NPAS1: variants seen among roughly 807,000 people sequenced by gnomAD.
NPAS1 encodes neuronal PAS domain-containing protein 1.
Under a neutral mutation model 49.2 loss-of-function variants are expected in NPAS1, and 29 were observed. The observed-to-expected ratio is 0.59, with a 90% confidence interval of 0.44 to 0.80. NPAS1 has a LOEUF of 0.80. Among genes scored for constraint, NPAS1 ranks in the 30% least tolerant of loss-of-function variants. The pLI, the probability that NPAS1 is intolerant of heterozygous loss-of-function variation, is 0.00. For synonymous variants in NPAS1, 408 were observed against 380.4 expected (o/e 1.07, Z -0.84); for missense variants, 825 against 835.5 (o/e 0.99, Z 0.15).
At chr19:47,026,136 G>A (rs376213594) in intron 3 of NPAS1, among the ~76,000 whole-genome samples, 7 of 151,532 alleles carry the variant, frequency 4.6e-5, no homozygotes, top group African/African-American at 9.7e-5. Flanking sequence ...ACAGGGTTTC[G>A]CCACGTTGGC....
rs762698994 is a variant in NPAS1 at position 47,036,004 on chromosome 19, C to G, written c.563C>G (p.Pro188Arg). ...TGSSVFDYIH[P>R]GDHSEVLEQL... ...AGCAGCGTCTTCGACTACATTCACC[C>G]TGGGGACCACTCAGAGGTGCTGGAG... Residue 188 changes from proline (P) to arginine (R), a missense_variant, in exon 6 of 12, where the codon CCT (proline) becomes CGT (arginine). Transcript: ENST00000602212. 1 of 1,580,756 alleles carries G rather than the reference C, an allele frequency of 6.3e-7. No homozygotes were observed. The highest frequency in any genetic ancestry group is 2.3e-5 in the East Asian group (1 of 44,426).
chr19:47,024,348 T>C (rs2056858951), intron 3 of NPAS1, among the ~76,000 whole-genome samples: 1 of 151,990 alleles, frequency 6.6e-6, no homozygotes, highest in African/African-American at 2.4e-5. Context: ...GGATAAGCCC[T>C]GTATACAAAA....
Position 47,032,526 on chromosome 19 carries a change from C to G in NPAS1, c.433-117C>G. ...CCGAGGACCACTGAAGCCCCCTCCC[C>G]ACCAAAACAGTCCACCTCAGGTGGA... On this transcript the variant is annotated intron_variant, in intron 4 of 11. Coordinates refer to ENST00000602212, the MANE Select transcript of NPAS1 (RefSeq NM_002517.4). 4 of 1,139,878 alleles carry G rather than the reference C, an allele frequency of 3.5e-6. No individual in the cohort carries two copies. The Admixed American group carries it at 5.4e-5, about 15-fold the overall frequency. 70.6% of individuals were successfully genotyped at this position (1,139,878 alleles called of 1,614,324 possible). A position where few individuals can be genotyped will look rare whatever the true frequency, so the allele number is the denominator to read the frequency against.
rs1568501626 is a variant in NPAS1 at position 47,027,642 on chromosome 19, GTCTGTCTGCCCCTGGTCTCCCT to G, written c.359-4632_359-4611del. 6.7e-4 allele frequency among the ~76,000 whole-genome samples: 29 copies of G among 43,392 alleles called. 7 individuals are homozygous for G. The highest frequency in any genetic ancestry group is 1.5e-3 in the East Asian group (2 of 1,342). 28.5% of individuals were successfully genotyped at this position (43,392 alleles called of 152,430 possible). A position where few individuals can be genotyped will look rare whatever the true frequency, so the allele number is the denominator to read the frequency against. On this transcript the variant is annotated intron_variant, in intron 3 of 11. Transcript: ENST00000602212. ...CCCGTCTCTCTGCCCCTGGTCTCCCGTCTGTCTGCCCCTGGTCTCCCTTCTCTCTGCCCCTGGTCTCCTGTCT... is the reference window on the plus strand; with the variant it reads ...CCCGTCTCTCTGCCCCTGGTCTCCCGTCTCTCTGCCCCTGGTCTCCTGTCT...
chr19:47,035,008 C>A (rs894754269), intron 5 of NPAS1, among the ~76,000 whole-genome samples: 2 of 151,296 alleles, frequency 1.3e-5, no homozygotes, highest in Non-Finnish European at 2.9e-5. Flanking sequence ...ATGGAGAAAC[C>A]CCGTCTGTAC....
Position 47,045,188 on chromosome 19 carries a change from C to T in NPAS1, c.1313-3C>T. On this transcript the variant is annotated splice_polypyrimidine_tract_variant and splice_region_variant and intron_variant, in intron 11 of 11. Transcript: ENST00000602212. ...ACAGGCCCTCAGCATCTTCCTCTTCCAGAGCCGGAGCCTCCGACGGAAGGG... is the reference window on the plus strand; with the variant it reads ...ACAGGCCCTCAGCATCTTCCTCTTCTAGAGCCGGAGCCTCCGACGGAAGGG... The T allele has an allele frequency of 1.2e-6, 2 of 1,612,648 alleles. No individual in the cohort carries two copies. The highest frequency in any genetic ancestry group is 1.7e-6 in the Non-Finnish European group (2 of 1,179,594).
intron 6 of NPAS1, 89 bp from the exon 7 acceptor site, chr19:47,038,947 G>T: frequency 9.0e-7 from 1 of 1,108,858 alleles, no homozygotes. Flanking sequence ...GACATCTTGT[G>T]TCTATGTCCG....
intron 11 of NPAS1, among the ~76,000 whole-genome samples, chr19:47,044,275 G>A (rs1198459083): frequency 3.9e-5 from 6 of 152,112 alleles, no homozygotes; most frequent in Admixed American, 1.3e-4. Flanking sequence ...GTTTTGCCAC[G>A]TTGGCCAGGC....
intron 1 of NPAS1, among the ~76,000 whole-genome samples, chr19:47,020,385 G>C (rs1352960990): frequency 6.6e-6 from 1 of 151,862 alleles, no homozygotes; most frequent in Non-Finnish European, 1.5e-5. Flanking sequence ...TCCGGGGCTG[G>C]GGCTCGCGCG....
chr19:47,041,148 C>T, intron 10 of NPAS1, 23 bp downstream of exon 10: 1 of 1,535,226 alleles, frequency 6.5e-7, no homozygotes, highest in Admixed American at 2.1e-5. Context: ...CCCACCCCTC[C>T]TGCAGGGCAC....
intron 6 of NPAS1, among the ~76,000 whole-genome samples, chr19:47,038,789 T>TG (rs2056987592): frequency 6.6e-6 from 1 of 151,792 alleles, no homozygotes. Context: ...ATTGCGCCAT[T>TG]CACTCCAGCC....
At chr19:47,036,478 C>T (rs1415318121) in intron 6 of NPAS1, among the ~76,000 whole-genome samples, 6 of 152,220 alleles carry the variant, frequency 3.9e-5, no homozygotes, top group East Asian at 1.9e-4. Context: ...CGGCGGCTCG[C>T]GCCTGTAACC....
At chr19:47,042,462 C>T (rs2064969948) in intron 10 of NPAS1, among the ~76,000 whole-genome samples, 1 of 152,164 alleles carries the variant, frequency 6.6e-6, no homozygotes, top group Non-Finnish European at 1.5e-5. Flanking sequence ...CATCTTCTGC[C>T]CAGGTCTCTG....
chr19:47,041,695 C>A (rs1433592273), intron 10 of NPAS1, among the ~76,000 whole-genome samples: 2 of 152,102 alleles, frequency 1.3e-5, no homozygotes, highest in Non-Finnish European at 2.9e-5. Flanking sequence ...CTGCTCTAGA[C>A]CGGACATGGT....
At chr19:47,039,600 G>A (rs982408842) in intron 8 of NPAS1, 36 bp downstream of exon 8, 1 of 1,530,342 alleles carries the variant, frequency 6.5e-7, no homozygotes, top group African/African-American at 1.4e-5. Flanking sequence ...GTGGATTGGG[G>A]GCACAATGGA....
intron 3 of NPAS1, among the ~76,000 whole-genome samples, chr19:47,022,400 C>T (rs1482850719): frequency 6.6e-6 from 1 of 152,228 alleles, no homozygotes; most frequent in Non-Finnish European, 1.5e-5. Flanking sequence ...GCTTTGCAAC[C>T]CCGGGCAGGT....
chr19:47,020,615 C>T lies in NPAS1; in HGVS notation c.-42-391C>T, dbSNP rs368944626. Among the ~76,000 whole-genome samples the T allele has an allele frequency of 9.1e-4, 138 of 151,680 alleles. 5 individuals are homozygous for T. In the South Asian group the frequency reaches 0.028, roughly 31 times the overall value. ...GGGCGGGTCCTCGGGGCAGAGGGCTCCGGGGGCTGGGGCGTGCGTGCCTGG... is the reference window on the plus strand; with the variant it reads ...GGGCGGGTCCTCGGGGCAGAGGGCTTCGGGGGCTGGGGCGTGCGTGCCTGG... On this transcript the variant is annotated intron_variant, in intron 1 of 11. Coordinates refer to ENST00000602212, the MANE Select transcript of NPAS1 (RefSeq NM_002517.4).
chr19:47,020,171 A>T (rs542836677), intron 1 of NPAS1, among the ~76,000 whole-genome samples, 174 bp downstream of exon 1: 1 of 143,532 alleles, frequency 7.0e-6, no homozygotes, highest in South Asian at 2.3e-4. Context: ...AGACCTGGAC[A>T]CGGGGGTCTG....
At chr19:47,032,171 C>A in intron 3 of NPAS1, 107 bp from the exon 4 acceptor site, 2 of 1,027,480 alleles carry the variant, frequency 1.9e-6, no homozygotes, top group Non-Finnish European at 2.9e-6. Flanking sequence ...CCCAAGATGT[C>A]TACAAGCCTT....
Sources: gnomAD v4.1 joint callset for allele counts (sites outside exome capture counted in the v4.1 genomes callset) on GRCh38, gnomAD v4.1.1 for gene constraint, MANE v1.5 for transcripts, NCBI Gene and HGNC (gene_info 2026-07-23, HGNC 2026-07-21) for gene names.